The following SEMA3D variants were observed in gnomAD, a reference collection of about 807,000 sequenced individuals.
SEMA3D encodes semaphorin-3D.
Under a neutral mutation model 100.1 loss-of-function variants are expected in SEMA3D, and 84 were observed. The ratio of observed to expected loss-of-function variants is 0.84; its 90% confidence interval spans 0.70 to 1.01. The LOEUF is 1.01. Ranked by LOEUF, SEMA3D falls within the 50% of genes least tolerant of loss-of-function variation. The pLI is 0.00. For synonymous variants in SEMA3D, 312 were observed against 320.7 expected (o/e 0.97, Z 0.29); for missense variants, 875 against 934.1 (o/e 0.94, Z 0.82).
chr7:85,157,800 A>G (rs542467264), intron 1 of SEMA3D: 15 of 171,834 alleles, frequency 8.7e-5, no homozygotes, highest in Non-Finnish European at 1.3e-4. Flanking sequence ...TCATTATTGC[A>G]GGAATTCAGG....
the SEMA3D span, among the ~76,000 whole-genome samples, chr7:85,202,411 G>A: frequency 6.6e-6 from 1 of 151,892 alleles, no homozygotes; most frequent in African/African-American, 2.4e-5. Context: ...TGGCTGCATA[G>A]TATTCCATGG....
At chr7:85,078,478 G>C (rs1488924205) in intron 5 of SEMA3D, among the ~76,000 whole-genome samples, 1 of 152,108 alleles carries the variant, frequency 6.6e-6, no homozygotes, top group Non-Finnish European at 1.5e-5. Flanking sequence ...CAGAGCCCAG[G>C]CTACCCTCAC....
intron 8 of SEMA3D, among the ~76,000 whole-genome samples, chr7:85,058,130 GTTTTC>G (rs757590210): frequency 1.6e-4 from 24 of 151,982 alleles, no homozygotes; most frequent in Admixed American, 2.6e-4. Context: ...TTATTTTCCT[GTTTTC>G]TTTTGTTTGT....
chr7:85,245,818 G>A, the SEMA3D span, among the ~76,000 whole-genome samples: 1 of 151,856 alleles, frequency 6.6e-6, no homozygotes, highest in Non-Finnish European at 1.5e-5. Context: ...TTACAATTAA[G>A]GTATTTCTCA....
chr7:85,146,977 C>T (rs1386667996), intron 2 of SEMA3D, among the ~76,000 whole-genome samples: 1 of 151,934 alleles, frequency 6.6e-6, no homozygotes, highest in African/African-American at 2.4e-5. Context: ...ATAGTTCATT[C>T]CTCCAGAGAA....
chr7:85,029,018 C>A, intron 12 of SEMA3D: 1 of 415,892 alleles, frequency 2.4e-6, no homozygotes, highest in South Asian at 2.4e-5. Context: ...GATGTCACTC[C>A]TCTTTCCCTT....
chr7:85,051,785 T>C (rs994442086), intron 9 of SEMA3D, among the ~76,000 whole-genome samples: 2 of 151,986 alleles, frequency 1.3e-5, no homozygotes, highest in African/African-American at 4.8e-5. Flanking sequence ...TATCAAAATA[T>C]ATCTCTTTGC....
intron 12 of SEMA3D, among the ~76,000 whole-genome samples, chr7:85,030,998 A>G (rs1216314851): frequency 6.6e-6 from 1 of 152,070 alleles, no homozygotes; most frequent in Non-Finnish European, 1.5e-5. Context: ...CTATTTGGAC[A>G]CCAGAGGGCA....
intron 1 of SEMA3D, among the ~76,000 whole-genome samples, chr7:85,156,135 C>G (rs1348747084): frequency 6.7e-6 from 1 of 149,390 alleles, no homozygotes; most frequent in Non-Finnish European, 1.5e-5. Flanking sequence ...TGGAGTCTCG[C>G]TCTGTCACCC....
In SEMA3D at chr7:85,021,042, G is replaced by GA. The variant is rs557798651; in HGVS notation, c.1415-722dup. On this transcript the variant is annotated intron_variant, in intron 13 of 18. Coordinates refer to ENST00000284136, the MANE Select transcript of SEMA3D (RefSeq NM_001384900.1). ...AAATTAAAAGAACAGTTTAGAAAAA[G>GA]AAAAAAAAAATCCCACTTTAATTTA... Among the ~76,000 whole-genome samples the GA allele has an allele frequency of 4.9e-3, 715 of 147,152 alleles. 3 individuals are homozygous for GA. Among genetic ancestry groups the GA allele is most frequent in the Admixed American group, 0.011 (167 of 14,746 alleles).
chr7:85,007,220 A>C (rs1789823375), intron 17 of SEMA3D, among the ~76,000 whole-genome samples: 1 of 151,844 alleles, frequency 6.6e-6, no homozygotes, highest in Admixed American at 6.6e-5. Context: ...AACTCTATAT[A>C]TTGAGATTTT....
At chr7:85,202,504 A>C in the SEMA3D span, among the ~76,000 whole-genome samples, 1 of 152,106 alleles carries the variant, frequency 6.6e-6, no homozygotes, top group East Asian at 1.9e-4. Flanking sequence ...TCGTGAATAA[A>C]CTAAAGAGCT....
At chr7:85,014,879 C>A (rs1790053425) in intron 16 of SEMA3D, among the ~76,000 whole-genome samples, 180 bp downstream of exon 16, 1 of 151,318 alleles carries the variant, frequency 6.6e-6, no homozygotes, top group Non-Finnish European at 1.5e-5. Context: ...TCTGTTTTAC[C>A]CTCCTTCAAA....
chr7:85,224,148 C>T, the SEMA3D span, among the ~76,000 whole-genome samples: 2 of 152,110 alleles, frequency 1.3e-5, no homozygotes, highest in Non-Finnish European at 2.9e-5. Context: ...CTTAGAAGAG[C>T]ACTGGGATTA....
At chr7:85,142,510 T>C in intron 2 of SEMA3D, 2 of 983,894 alleles carry the variant, frequency 2.0e-6, no homozygotes, top group Non-Finnish European at 2.4e-6. Flanking sequence ...TTTTATTTAA[T>C]CATTCTCCAT....
intron 8 of SEMA3D, 53 bp downstream of exon 8, chr7:85,065,371 C>A: frequency 4.6e-6 from 7 of 1,522,862 alleles, no homozygotes; most frequent in Non-Finnish European, 6.3e-6. Context: ...CACTTCTTAT[C>A]TATCTTAAAC....
In SEMA3D at chr7:85,121,770, T is replaced by G. The variant is rs1321486516; in HGVS notation, c.122A>C (p.Asn41Thr). The G allele has an allele frequency of 1.9e-6, 3 of 1,601,336 alleles. No individual in the cohort carries two copies. The East Asian group carries it at 6.7e-5, about 36-fold the overall frequency. The change falls in exon 3 of 19, where the codon AAT becomes ACT. Residue 41 changes from asparagine to threonine, a missense_variant. By Grantham distance (65) the Asn-to-Thr change is moderately conservative. Coordinates refer to ENST00000284136, the MANE Select transcript of SEMA3D (RefSeq NM_001384900.1). The part of the protein sequence containing the change: ...FLPVTGTLKQ[N>T]IPRLKLTYKD... ...GTAGGTTAGCTTGAGTCTTGGAATATTTTGCTTCAAAGTGCCAGTGACTGG... is the reference window on the plus strand; with the variant it reads ...GTAGGTTAGCTTGAGTCTTGGAATAGTTTGCTTCAAAGTGCCAGTGACTGG...
intron 11 of SEMA3D, among the ~76,000 whole-genome samples, chr7:85,039,559 G>A (rs933216733): frequency 1.3e-5 from 2 of 152,064 alleles, no homozygotes; most frequent in Non-Finnish European, 2.9e-5. Context: ...CGTGCCCACC[G>A]ATGCTAGTAC....
chr7:85,039,700 C>T (rs950554024), intron 11 of SEMA3D, among the ~76,000 whole-genome samples: 2 of 152,062 alleles, frequency 1.3e-5, no homozygotes, highest in Non-Finnish European at 2.9e-5. Context: ...ACTAATAGTC[C>T]GCTCCTCTTT....
Sources: gnomAD v4.1 joint callset for allele counts (sites outside exome capture counted in the v4.1 genomes callset) on GRCh38, gnomAD v4.1.1 for gene constraint, MANE v1.5 for transcripts, NCBI Gene and HGNC (gene_info 2026-07-23, HGNC 2026-07-21) for gene names.